ARHGAP31: variants seen among roughly 807,000 people sequenced by gnomAD.
ARHGAP31 encodes the protein Rho GTPase activating protein 31, also known as rho GTPase-activating protein 31.
A neutral mutation model predicts 113.9 loss-of-function variants in ARHGAP31; 34 were observed. The ratio of observed to expected loss-of-function variants is 0.30; its 90% confidence interval spans 0.23 to 0.40. The LOEUF is 0.40. Among genes scored for constraint, ARHGAP31 ranks in the 10% least tolerant of loss-of-function variants. The pLI is 1.00. For synonymous variants in ARHGAP31, 650 were observed against 684.8 expected (o/e 0.95, Z 0.79); for missense variants, 1,548 against 1,767.1 (o/e 0.88, Z 2.22).
Position 119,331,225 on chromosome 3 carries a change from C to T in ARHGAP31, c.101-34091C>T, listed in dbSNP as rs2079888845. Among the ~76,000 whole-genome samples the T allele has an allele frequency of 3.3e-5, 5 of 152,220 alleles. No homozygotes were observed. In the South Asian group the frequency reaches 1.0e-3, roughly 32 times the overall value. Reference sequence around the variant, plus strand: ...GCTAAATAATAAAACATTGTTTCAGCCCCGAGTCACATTTCTGTAGCACTC... The same window carrying T: ...GCTAAATAATAAAACATTGTTTCAGTCCCGAGTCACATTTCTGTAGCACTC... On this transcript the variant is annotated intron_variant, in intron 1 of 11. Coordinates refer to ENST00000264245, the MANE Select transcript of ARHGAP31 (RefSeq NM_020754.4).
At chr3:119,328,704 G>C (rs1040733542) in intron 1 of ARHGAP31, among the ~76,000 whole-genome samples, 1 of 151,678 alleles carries the variant, frequency 6.6e-6, no homozygotes, top group East Asian at 1.9e-4. Flanking sequence ...GCAATGGCGC[G>C]ATCTTGGCTC....
At chr3:119,330,655 C>T (rs1248028994) in intron 1 of ARHGAP31, among the ~76,000 whole-genome samples, 1 of 152,210 alleles carries the variant, frequency 6.6e-6, no homozygotes, top group East Asian at 1.9e-4. Context: ...CCAGCTTCCT[C>T]ATCTAAACAG....
chr3:119,377,045 G>A (rs970536137), intron 3 of ARHGAP31, among the ~76,000 whole-genome samples: 4 of 152,244 alleles, frequency 2.6e-5, no homozygotes, highest in African/African-American at 7.2e-5. Flanking sequence ...GGATAGCAGT[G>A]TTCTGGAAGT....
chr3:119,310,100 C>T (rs762093293), intron 1 of ARHGAP31, among the ~76,000 whole-genome samples: 17 of 152,208 alleles, frequency 1.1e-4, no homozygotes, highest in South Asian at 2.1e-4. Flanking sequence ...TCACACTACA[C>T]GGTCCCTTTC....
rs1448115267 is a variant in ARHGAP31 at position 119,294,904 on chromosome 3, C to G, written c.-1C>G. 6.2e-7 allele frequency: 1 copy of G among 1,613,882 alleles called. No homozygotes were observed. Among genetic ancestry groups the G allele is most frequent in the African/African-American group, 1.3e-5 (1 of 74,886 alleles). On this transcript the variant is annotated 5_prime_UTR_variant, in exon 1 of 12. Coordinates refer to ENST00000264245, the MANE Select transcript of ARHGAP31 (RefSeq NM_020754.4). ...AGGGGCAGCCTCTTTGGGACTAACT[C>G]ATGAAGAACAAGGGTGCTAAGCAGA...
At chr3:119,383,972 C>T (rs1317813559) in intron 6 of ARHGAP31, among the ~76,000 whole-genome samples, 1 of 152,202 alleles carries the variant, frequency 6.6e-6, no homozygotes, top group Admixed American at 6.5e-5. Context: ...CCCAGAGTTT[C>T]TGCTTTAATA....
chr3:119,361,846 T>C (rs747046723), intron 1 of ARHGAP31, among the ~76,000 whole-genome samples: 3 of 152,220 alleles, frequency 2.0e-5, no homozygotes, highest in Non-Finnish European at 4.4e-5. Flanking sequence ...GGAGAATTCC[T>C]ACATCTTCCA....
chr3:119,303,864 G>C (rs894586321), intron 1 of ARHGAP31, among the ~76,000 whole-genome samples: 1 of 151,736 alleles, frequency 6.6e-6, no homozygotes, highest in East Asian at 1.9e-4. Flanking sequence ...GTGCGATCTC[G>C]GCTCACTGCA....
At chr3:119,368,583 C>G in intron 3 of ARHGAP31, 67 bp downstream of exon 3, 1 of 1,575,404 alleles carries the variant, frequency 6.3e-7, no homozygotes, top group Non-Finnish European at 8.7e-7. Flanking sequence ...AGAGTTTCAG[C>G]ACTAAAATAA....
At chr3:119,327,205 C>G (rs1322150926) in intron 1 of ARHGAP31, among the ~76,000 whole-genome samples, 1 of 151,934 alleles carries the variant, frequency 6.6e-6, no homozygotes, top group Non-Finnish European at 1.5e-5. Context: ...AGTGGGACTC[C>G]CTTTATTTAA....
At chr3:119,387,664 T>G (rs2080464963) in intron 6 of ARHGAP31, among the ~76,000 whole-genome samples, 1 of 152,172 alleles carries the variant, frequency 6.6e-6, no homozygotes, top group Non-Finnish European at 1.5e-5. Flanking sequence ...GCCAAAGAGA[T>G]TGTGATATCT....
intron 3 of ARHGAP31, among the ~76,000 whole-genome samples, chr3:119,373,503 G>A (rs1432047238): frequency 1.3e-5 from 2 of 150,804 alleles, no homozygotes; most frequent in Non-Finnish European, 2.9e-5. Flanking sequence ...TTGCTCTGTC[G>A]CCCAGGCTGG....
At position 119,402,329 on chromosome 3, in the gene ARHGAP31, C is replaced by A; in HGVS notation, c.1577C>A (p.Ser526Tyr). 1 of 1,614,064 alleles carries A rather than the reference C, an allele frequency of 6.2e-7. No individual in the cohort carries two copies. Among genetic ancestry groups the A allele is most frequent in the African/African-American group, 1.3e-5 (1 of 75,076 alleles). Residue 526 changes from serine to tyrosine, a missense_variant, in exon 10 of 12, where the codon TCT (serine) becomes TAT (tyrosine). Physicochemically the swap from Ser to Tyr is moderately radical, Grantham distance 144. Transcript: ENST00000264245. Reference protein sequence around the residue: ...LQSLSSLEEFSFHGSESGGWP... With the variant: ...LQSLSSLEEFYFHGSESGGWP... ...TCTCTTTCCAGCCTGGAAGAGTTTTCTTTTCATGGATCAGAGAGCGGAGGC... is the reference window on the plus strand; with the variant it reads ...TCTCTTTCCAGCCTGGAAGAGTTTTATTTTCATGGATCAGAGAGCGGAGGC...
chr3:119,300,847 AAAGAAAG>A (rs2079577395), intron 1 of ARHGAP31, among the ~76,000 whole-genome samples: 17 of 68,086 alleles, frequency 2.5e-4, no homozygotes, highest in African/African-American at 1.7e-3. Flanking sequence ...AAAAAAAAAG[AAAGAAAG>A]AAAGAAAGAA....
chr3:119,352,608 TCC>T (rs998542809), intron 1 of ARHGAP31, among the ~76,000 whole-genome samples: 48 of 148,760 alleles, frequency 3.2e-4, no homozygotes, highest in Non-Finnish European at 5.4e-4. Flanking sequence ...CCCTCCCTCT[TCC>T]CACACACACA....
At chr3:119,386,234 G>C (rs2080446800) in intron 6 of ARHGAP31, among the ~76,000 whole-genome samples, 1 of 152,138 alleles carries the variant, frequency 6.6e-6, no homozygotes. Context: ...AAAGATTTTA[G>C]AAGTTTTCTT....
intron 1 of ARHGAP31, among the ~76,000 whole-genome samples, chr3:119,324,378 T>C (rs1388238661): frequency 1.3e-5 from 2 of 152,256 alleles, no homozygotes; most frequent in African/African-American, 4.8e-5. Flanking sequence ...CAATTCTTTA[T>C]TCTAAGACTA....
At chr3:119,382,268 T>C in intron 4 of ARHGAP31, 24 bp from the exon 5 acceptor site, 1 of 1,608,904 alleles carries the variant, frequency 6.2e-7, no homozygotes. Flanking sequence ...GTTTCTTACT[T>C]TGTCAAAAAA....
intron 1 of ARHGAP31, among the ~76,000 whole-genome samples, chr3:119,317,314 C>T (rs761970790): frequency 6.6e-6 from 1 of 151,824 alleles, no homozygotes; most frequent in Non-Finnish European, 1.5e-5. Flanking sequence ...GAGTAGCTGG[C>T]ACTACAGGCG....
Sources: allele counts gnomAD v4.1 joint callset (sites outside exome capture counted in the v4.1 genomes callset), GRCh38; gene constraint gnomAD v4.1.1; transcripts MANE v1.5; gene names NCBI Gene and HGNC (gene_info 2026-07-23, HGNC 2026-07-21).